KCNIP3: variants seen among roughly 807,000 people sequenced by gnomAD.
The protein encoded by KCNIP3 is potassium voltage-gated channel interacting protein 3.
In KCNIP3, 28 loss-of-function variants were observed where a neutral mutation model predicts 35.0. That is an observed-to-expected ratio of 0.80 (90% CI 0.59 to 1.10). The LOEUF is 1.10. Among genes scored for constraint, KCNIP3 ranks in the 50% least tolerant of loss-of-function variants. KCNIP3 has a pLI of 0.00. For missense variants in KCNIP3, 295 were observed against 338.4 expected (o/e 0.87, Z 1.01); for synonymous variants, 134 against 133.8 (o/e 1.00, Z -0.01).
intron 2 of KCNIP3, among the ~76,000 whole-genome samples, chr2:95,349,913 T>C (rs995532077): frequency 5.9e-5 from 9 of 152,110 alleles, no homozygotes; most frequent in African/African-American, 9.7e-5. Context: ...CTGGACCCTG[T>C]AGGGCTGGGC....
intron 2 of KCNIP3, among the ~76,000 whole-genome samples, chr2:95,342,540 ATTGG>A (rs1398377817): frequency 6.6e-6 from 1 of 152,178 alleles, no homozygotes; most frequent in African/African-American, 2.4e-5. Context: ...TGGCGGATTG[ATTGG>A]TTCATATGTC....
At chr2:95,330,110 G>A (rs1187234988) in intron 2 of KCNIP3, among the ~76,000 whole-genome samples, 1 of 152,236 alleles carries the variant, frequency 6.6e-6, no homozygotes, top group Non-Finnish European at 1.5e-5. Context: ...GAGTAATTGA[G>A]TTGCAGGGCT....
At chr2:95,330,413 G>C (rs1678897789) in intron 2 of KCNIP3, among the ~76,000 whole-genome samples, 1 of 152,204 alleles carries the variant, frequency 6.6e-6, no homozygotes, top group South Asian at 2.1e-4. Context: ...CTAGGGGACT[G>C]CGTTGTGTCC....
intron 1 of KCNIP3, chr2:95,310,146 A>G (rs1193116388): frequency 2.9e-6 from 2 of 690,382 alleles, no homozygotes; most frequent in Non-Finnish European, 5.3e-6. Context: ...GTCCCATCTT[A>G]CACCATAGCC....
chr2:95,316,651 G>A (rs1206375743), intron 2 of KCNIP3, among the ~76,000 whole-genome samples: 1 of 152,204 alleles, frequency 6.6e-6, no homozygotes, highest in Non-Finnish European at 1.5e-5. Context: ...ATGTCAGGAA[G>A]GCAGCACTCA....
chr2:95,321,656 A>AC (rs1425509205), intron 2 of KCNIP3, among the ~76,000 whole-genome samples: 1 of 152,182 alleles, frequency 6.6e-6, no homozygotes, highest in African/African-American at 2.4e-5. Context: ...TTTAAGAGAA[A>AC]CACGGGGCTC....
intron 2 of KCNIP3, among the ~76,000 whole-genome samples, chr2:95,366,071 T>C (rs1356937567): frequency 3.3e-5 from 5 of 152,124 alleles, no homozygotes; most frequent in Non-Finnish European, 7.4e-5. Flanking sequence ...GGCCTTGAAC[T>C]CCAGGGCTCA....
chr2:95,382,430 C>T lies in KCNIP3; in HGVS notation c.609C>T (p.Tyr203=). Residue 203 remains tyrosine, a synonymous_variant, in exon 7 of 9, where the codon TAC becomes TAT. Transcript: ENST00000295225. This position sits in a 1 kb window ranked among gnomAD's most constrained non-coding sequence, Gnocchi z 4.5. ...ATGACATGATGGGCCGCCACACCTA[C>T]CCCATCCTGCGGGAGGACGCGCCGG... is the stretch of plus-strand genomic sequence containing the variant. ...SIYDMMGRHT[Y]PILREDAPAE... The T allele has an allele frequency of 6.2e-7, 1 of 1,609,864 alleles. No homozygotes were observed.
chr2:95,338,273 T>C (rs61108509), intron 2 of KCNIP3, among the ~76,000 whole-genome samples: 3,905 of 152,328 alleles, frequency 0.026, 178 homozygotes, highest in African/African-American at 0.089. Context: ...CATTTGAGGT[T>C]GATGTTAGCT....
chr2:95,356,420 G>A (rs1023462311), intron 2 of KCNIP3, among the ~76,000 whole-genome samples: 16 of 152,098 alleles, frequency 1.1e-4, no homozygotes, highest in African/African-American at 9.7e-5. Flanking sequence ...TGAAGTCCTC[G>A]CCCATGCCTA....
rs1254270098 is a variant in KCNIP3, at chr2:95,382,162, A to G, written c.556-215A>G. 6.6e-6 allele frequency among the ~76,000 whole-genome samples: 1 copy of G among 152,166 alleles called. No homozygotes were observed. Among genetic ancestry groups the G allele is most frequent in the African/African-American group, 2.4e-5 (1 of 41,440 alleles). ...ACATTTTGGAGATAAGCACATAGCA[A>G]TCCATCTCCCACTTCTCTGGGAGAT... On this transcript the variant is annotated intron_variant, in intron 6 of 8. Transcript: ENST00000295225. This position sits in a 1 kb window ranked among gnomAD's most constrained non-coding sequence, Gnocchi z 4.5.
At chr2:95,300,811 T>C (rs1002038308) in intron 1 of KCNIP3, among the ~76,000 whole-genome samples, 1 of 152,178 alleles carries the variant, frequency 6.6e-6, no homozygotes, top group Non-Finnish European at 1.5e-5. Context: ...TGTCCCACAC[T>C]AGAGTCGGCC....
chr2:95,348,022 C>T (rs1016179700), intron 2 of KCNIP3, among the ~76,000 whole-genome samples: 1 of 152,212 alleles, frequency 6.6e-6, no homozygotes, highest in African/African-American at 2.4e-5. Context: ...CTGCTGAGTG[C>T]GGGAAGGGGC....
At chr2:95,330,157 C>T (rs1180865542) in intron 2 of KCNIP3, among the ~76,000 whole-genome samples, 2 of 152,200 alleles carry the variant, frequency 1.3e-5, no homozygotes, top group South Asian at 2.1e-4. Flanking sequence ...GGTCTGGCCG[C>T]GGCTCCCCAG....
rs2104193339 is a variant in KCNIP3, at chr2:95,299,932, C to T, written c.15+2479C>T. On this transcript the variant is annotated intron_variant, in intron 1 of 8. Coordinates refer to ENST00000295225, the MANE Select transcript of KCNIP3 (RefSeq NM_013434.5). ...CGCATTATCTCCCTGGACCCTCACG[C>T]AGCCCACAAGGCAGCTGTTGGTATC... 1.3e-5 allele frequency among the ~76,000 whole-genome samples: 2 copies of T among 152,378 alleles called. 1 individual carries two copies. The highest frequency in any genetic ancestry group is 4.1e-4 in the South Asian group (2 of 4,834).
intron 2 of KCNIP3, among the ~76,000 whole-genome samples, chr2:95,319,245 G>A (rs923693310): frequency 1.3e-5 from 2 of 152,218 alleles, no homozygotes; most frequent in Non-Finnish European, 1.5e-5. Flanking sequence ...TGGTGGAGCC[G>A]GGGGCTCAGT....
chr2:95,320,024 C>G (rs1482686175), intron 2 of KCNIP3, among the ~76,000 whole-genome samples: 1 of 152,222 alleles, frequency 6.6e-6, no homozygotes, highest in Non-Finnish European at 1.5e-5. Context: ...TGGTCCACCT[C>G]TGAGTTCCTC....
At chr2:95,366,128 G>C (rs1679911598) in intron 2 of KCNIP3, among the ~76,000 whole-genome samples, 1 of 152,144 alleles carries the variant, frequency 6.6e-6, no homozygotes, top group Admixed American at 6.5e-5. Context: ...CTACAGGTGT[G>C]CACCACCACA....
At chr2:95,357,476 C>T (rs1189014788) in intron 2 of KCNIP3, among the ~76,000 whole-genome samples, 1 of 152,122 alleles carries the variant, frequency 6.6e-6, no homozygotes, top group Non-Finnish European at 1.5e-5. Flanking sequence ...CCAGGGCTAA[C>T]TGCGCCTCTG....
Sources: allele counts gnomAD v4.1 joint callset (sites outside exome capture counted in the v4.1 genomes callset), GRCh38; gene constraint gnomAD v4.1.1; non-coding constraint Gnocchi (gnomAD v3.1); transcripts MANE v1.5; gene names NCBI Gene and HGNC (gene_info 2026-07-23, HGNC 2026-07-21).